PRICKLE2: variants seen among roughly 807,000 people sequenced by gnomAD.
The protein encoded by PRICKLE2 is prickle-like protein 2.
A neutral mutation model predicts 81.4 loss-of-function variants in PRICKLE2; 21 were observed. The ratio of observed to expected loss-of-function variants is 0.26; its 90% CI spans 0.18 to 0.37. PRICKLE2 has a LOEUF of 0.37. PRICKLE2 is among the 10% of genes least tolerant of loss of function. The pLI, the probability that PRICKLE2 is intolerant of heterozygous loss-of-function variation, is 1.00. For missense variants in PRICKLE2, 940 were observed against 1,109.0 expected (o/e 0.85, Z 2.16); for synonymous variants, 456 against 421.5 (o/e 1.08, Z -1.00).
At chr3:64,234,698 A>G (rs978393261) in intron 2 of PRICKLE2, among the ~76,000 whole-genome samples, 1 of 151,918 alleles carries the variant, frequency 6.6e-6, no homozygotes, top group Non-Finnish European at 1.5e-5. Flanking sequence ...TTTCCCTTGT[A>G]CTTCAGTTCC....
chr3:64,157,998 C>T (rs2077666756), intron 4 of PRICKLE2, among the ~76,000 whole-genome samples: 1 of 152,268 alleles, frequency 6.6e-6, no homozygotes, highest in Non-Finnish European at 1.5e-5. Context: ...TACCTTCTCA[C>T]TCATTTTCTC....
At chr3:64,239,918 C>G (rs1226933465) in intron 2 of PRICKLE2, among the ~76,000 whole-genome samples, 1 of 134,586 alleles carries the variant, frequency 7.4e-6, no homozygotes, top group Non-Finnish European at 1.5e-5. Context: ...AGTTTGAGAC[C>G]AGCCTGGGCA....
chr3:64,207,546 A>G (rs893028813), intron 1 of PRICKLE2, among the ~76,000 whole-genome samples: 5 of 152,152 alleles, frequency 3.3e-5, no homozygotes, highest in African/African-American at 1.2e-4. Context: ...ACACATGCAC[A>G]CACAACACTC....
chr3:64,094,134 C>T lies in PRICKLE2; in HGVS notation c.*4917G>A, dbSNP rs2076537506. 1 of 152,184 alleles carries T rather than the reference C, an allele frequency of 6.6e-6. No homozygotes were observed. The highest frequency in any genetic ancestry group is 1.5e-5 in the Non-Finnish European group (1 of 68,024). The allele number at this position is 152,184 out of a possible 1,614,324, so 9.4% of individuals were successfully genotyped here. A position where few individuals can be genotyped will look rare whatever the true frequency, so the allele number is the denominator to read the frequency against. On this transcript the variant is annotated 3_prime_UTR_variant, in exon 8 of 8. Coordinates refer to ENST00000638394, the MANE Select transcript of PRICKLE2 (RefSeq NM_198859.4). ...AAAGCAGGAGATGGACAAAGCAATC[C>T]TGTGGAGGAAAGAATGAGTTTAGGA...
intron 2 of PRICKLE2, among the ~76,000 whole-genome samples, chr3:64,256,292 C>T (rs930476540): frequency 3.3e-5 from 5 of 152,156 alleles, no homozygotes; most frequent in African/African-American, 9.7e-5. Flanking sequence ...GACAGTAACT[C>T]TAAACCTCAC....
chr3:64,103,377 G>T (rs890092624), intron 7 of PRICKLE2: 1 of 152,118 alleles, frequency 6.6e-6, no homozygotes, highest in Non-Finnish European at 1.5e-5. Context: ...TAATGAGAAC[G>T]AATAACTACA....
upstream of PRICKLE2, among the ~76,000 whole-genome samples, chr3:64,229,979 A>T (rs1448963589): frequency 6.6e-6 from 1 of 152,154 alleles, no homozygotes; most frequent in Non-Finnish European, 1.5e-5. Context: ...GAGGTTTTCC[A>T]GGTACTCCAT....
chr3:64,223,935 G>A (rs561777494), intron 1 of PRICKLE2, among the ~76,000 whole-genome samples: 17 of 152,332 alleles, frequency 1.1e-4, no homozygotes, highest in Non-Finnish European at 2.2e-4. Flanking sequence ...TGCAGGCAAA[G>A]CAAATCACAG....
intron 2 of PRICKLE2, among the ~76,000 whole-genome samples, chr3:64,179,055 T>C (rs1217679168): frequency 6.6e-6 from 1 of 151,102 alleles, no homozygotes; most frequent in East Asian, 1.9e-4. Flanking sequence ...CTTCTTTCTT[T>C]CTTCTTTTTC....
At chr3:64,265,506 A>G (rs2107193677) in intron 2 of PRICKLE2, among the ~76,000 whole-genome samples, 1 of 152,314 alleles carries the variant, frequency 6.6e-6, no homozygotes, top group South Asian at 2.1e-4. Context: ...GATTAAGAAA[A>G]ACAGCCTGGG....
chr3:64,238,174 C>T (rs1196602808), intron 2 of PRICKLE2, among the ~76,000 whole-genome samples: 4 of 152,156 alleles, frequency 2.6e-5, no homozygotes, highest in African/African-American at 9.7e-5. Flanking sequence ...TATACCACAA[C>T]GTGCTTCCTT....
At chr3:64,263,281 A>T (rs1390676504) in intron 2 of PRICKLE2, among the ~76,000 whole-genome samples, 1 of 152,204 alleles carries the variant, frequency 6.6e-6, no homozygotes, top group Non-Finnish European at 1.5e-5. Context: ...CTTGTACCCG[A>T]AGGAGAAAGG....
At chr3:64,257,568 A>C (rs2079545080) in intron 2 of PRICKLE2, among the ~76,000 whole-genome samples, 1 of 152,200 alleles carries the variant, frequency 6.6e-6, no homozygotes, top group African/African-American at 2.4e-5. Context: ...TTGTGTCTTT[A>C]GCTGGGTGTT....
rs1400058328 is a variant in PRICKLE2 at position 64,096,482 on chromosome 3, A to C, written c.*2569T>G. 1 of 152,210 alleles carries C rather than the reference A, an allele frequency of 6.6e-6. No individual in the cohort carries two copies. The highest frequency in any genetic ancestry group is 1.5e-5 in the Non-Finnish European group (1 of 68,042). The allele number at this position is 152,210 out of a possible 1,614,324, so 9.4% of individuals were successfully genotyped here. A position where few individuals can be genotyped will look rare whatever the true frequency, so the allele number is the denominator to read the frequency against. On this transcript the variant is annotated 3_prime_UTR_variant, in exon 8 of 8. Transcript: ENST00000638394. Reference sequence around the variant, plus strand: ...GCATTCGCTTGGGGGTTCTGCCATCATTGTAAGGAATTGGCCTTCCTCATT... The same window carrying C: ...GCATTCGCTTGGGGGTTCTGCCATCCTTGTAAGGAATTGGCCTTCCTCATT...
intron 2 of PRICKLE2, among the ~76,000 whole-genome samples, chr3:64,234,285 A>G (rs893669913): frequency 3.7e-5 from 5 of 133,570 alleles, no homozygotes; most frequent in South Asian, 3.0e-4. Context: ...CTCACAAGTG[A>G]TATCTGAAGC....
rs184788329 is a variant in PRICKLE2 at position 64,267,668 on chromosome 3, T to C, written c.129-68701A>G. Among the ~76,000 whole-genome samples the C allele has an allele frequency of 4.0e-3, 576 of 142,242 alleles. 5 individuals are homozygous for C. Among genetic ancestry groups the C allele is most frequent in the Middle Eastern group, 0.028 (8 of 288 alleles). 93.3% of individuals were successfully genotyped at this position (142,242 alleles called of 152,430 possible). Reference sequence around the variant, plus strand: ...TCGCCTCGTGATATTATGATTACCATTGCTGGTTAATAAAGTGGCTGCGCG... The same window carrying C: ...TCGCCTCGTGATATTATGATTACCACTGCTGGTTAATAAAGTGGCTGCGCG... On this transcript the variant is annotated intron_variant, in intron 2 of 8. Transcript: ENST00000295902.
intron 7 of PRICKLE2, among the ~76,000 whole-genome samples, chr3:64,126,086 AT>A (rs1213894861): frequency 2.0e-5 from 3 of 152,050 alleles, no homozygotes; most frequent in African/African-American, 7.3e-5. Context: ...GTAGTTTGTA[AT>A]TTTTTAAAAG....
intron 2 of PRICKLE2, among the ~76,000 whole-genome samples, chr3:64,170,405 C>G (rs1421625604): frequency 6.6e-6 from 1 of 152,226 alleles, no homozygotes. Context: ...TCCACCACCC[C>G]TGCAGGACCA....
At chr3:64,177,786 T>A (rs1267324441) in intron 2 of PRICKLE2, among the ~76,000 whole-genome samples, 1 of 152,238 alleles carries the variant, frequency 6.6e-6, no homozygotes, top group African/African-American at 2.4e-5. Flanking sequence ...ATACCACATT[T>A]TGTTTATCCA....
Sources: gnomAD v4.1 joint callset for allele counts (sites outside exome capture counted in the v4.1 genomes callset) on GRCh38, gnomAD v4.1.1 for gene constraint, MANE v1.5 for transcripts, NCBI Gene and HGNC (gene_info 2026-07-23, HGNC 2026-07-21) for gene names.